Variants in OAF observed in about 807,000 individuals in gnomAD.
The protein encoded by OAF is out at first protein homolog.
A neutral mutation model predicts 22.5 loss-of-function variants in OAF; 13 were observed. The ratio of observed to expected loss-of-function variants is 0.58; its 90% CI spans 0.38 to 0.92. OAF has a LOEUF of 0.92. Among genes scored for constraint, OAF ranks in the 40% least tolerant of loss-of-function variants. The pLI is 0.00. For missense variants in OAF, 347 were observed against 381.8 expected (o/e 0.91, Z 0.76); for synonymous variants, 175 against 170.5 (o/e 1.03, Z -0.21).
At chr11:120,224,920 A>G (rs1938330604) in intron 1 of OAF, among the ~76,000 whole-genome samples, 1 of 152,132 alleles carries the variant, frequency 6.6e-6, no homozygotes, top group Non-Finnish European at 1.5e-5. Context: ...GCCCCAGCCC[A>G]CCCTACAGCT....
At chr11:120,212,257 G>GGTGGGTGTGGGTGT (rs1938159291) in intron 1 of OAF, among the ~76,000 whole-genome samples, 1 of 148,022 alleles carries the variant, frequency 6.8e-6, no homozygotes, top group Non-Finnish European at 1.5e-5. Context: ...TGGGTGGGTG[G>GGTGGGTGTGGGTGT]GTGGGTGGGT....
At chr11:120,226,717 A>G in intron 2 of OAF, 99 bp from the exon 3 acceptor site, 1 of 1,122,428 alleles carries the variant, frequency 8.9e-7, no homozygotes, top group Non-Finnish European at 1.3e-6. Flanking sequence ...AGCGTTCTAA[A>G]GGCAGTCAGC....
chr11:120,225,376 C>G, intron 1 of OAF, among the ~76,000 whole-genome samples: 1 of 152,088 alleles, frequency 6.6e-6, no homozygotes. Flanking sequence ...CCACCCTGAT[C>G]AGGGTGACGT....
chr11:120,225,607 C>T lies in OAF; in HGVS notation c.232-54C>T, dbSNP rs1329677829. ...GGGCCAAGCTGAGCACCCGGTGGGC[C>T]AGTGGGAAGGTCCCACACCCTCCAG... On this transcript the variant is annotated intron_variant, in intron 1 of 3. Transcript: ENST00000328965. The T allele has an allele frequency of 6.1e-6, 9 of 1,479,920 alleles. No individual in the cohort carries two copies. In the East Asian group the frequency reaches 1.8e-4, roughly 30 times the overall value. 91.7% of individuals were successfully genotyped at this position (1,479,920 alleles called of 1,614,324 possible).
At chr11:120,216,486 GTATTTACAAGAAGTCGCCAGA>G (rs1565341195) in intron 1 of OAF, among the ~76,000 whole-genome samples, 1 of 152,204 alleles carries the variant, frequency 6.6e-6, no homozygotes, top group African/African-American at 2.4e-5. Context: ...TTCCTCACAG[GTATTTACAAGAAGTCGCCAGA>G]TGGAATGACC....
At position 120,222,598 on chromosome 11, in the gene OAF, C is replaced by T. The variant is rs114217221; in HGVS notation, c.232-3063C>T. 2.6e-3 allele frequency among the ~76,000 whole-genome samples: 399 copies of T among 150,768 alleles called. 5 individuals are homozygous for T. Among genetic ancestry groups the T allele is most frequent in the African/African-American group, 8.6e-3 (352 of 41,052 alleles). Reference sequence around the variant, plus strand: ...AACAACCATGCACACAAAGGAGAGACCGGAGAATTTGTAGTTTAAAAAGTC... The same window carrying T: ...AACAACCATGCACACAAAGGAGAGATCGGAGAATTTGTAGTTTAAAAAGTC... On this transcript the variant is annotated intron_variant, in intron 1 of 3. Coordinates refer to ENST00000328965, the MANE Select transcript of OAF (RefSeq NM_178507.4).
In OAF at chr11:120,211,336, G is replaced by C; in HGVS notation, c.57G>C (p.Leu19=). Residue 19 remains leucine (L), a synonymous_variant, in exon 1 of 4, where the codon CTG becomes CTC. Transcript: ENST00000328965. The stretch of plus-strand genomic sequence containing the variant: ...CTGCGCTGCTGCTGCTGCTGCCGCT[G>C]CTCGCGCCGCTGCTGGGAACGGGTG... ...ARPALLLLLP[L]LAPLLGTGAP... The C allele has an allele frequency of 7.1e-7, 1 of 1,407,368 alleles. No homozygotes were observed. The highest frequency in any genetic ancestry group is 9.3e-7 in the Non-Finnish European group (1 of 1,078,822). 87.2% of individuals were successfully genotyped at this position (1,407,368 alleles called of 1,614,324 possible).
rs1390149974 is a variant in OAF, at chr11:120,226,774, C to T, written c.367-42C>T. 2.6e-6 allele frequency: 4 copies of T among 1,531,234 alleles called. No individual in the cohort carries two copies. In the Admixed American group the frequency reaches 5.3e-5, roughly 20 times the overall value. The allele number at this position is 1,531,234 out of a possible 1,614,324, so 94.9% of individuals were successfully genotyped here. A position where few individuals can be genotyped will look rare whatever the true frequency, so the allele number is the denominator to read the frequency against. ...GGGTCAGGGGAAGATGGACAGGGAG[C>T]ATTCTGAAGCCAGGTAGGAGTGACT... On this transcript the variant is annotated intron_variant, in intron 2 of 3. Coordinates refer to ENST00000328965, the MANE Select transcript of OAF (RefSeq NM_178507.4).
chr11:120,227,357 G>A (rs1460778817), intron 3 of OAF, among the ~76,000 whole-genome samples: 1 of 152,096 alleles, frequency 6.6e-6, no homozygotes, highest in Non-Finnish European at 1.5e-5. Context: ...TATTCAGCGA[G>A]AAGATTCAGC....
intron 1 of OAF, among the ~76,000 whole-genome samples, chr11:120,220,424 A>G (rs145538590): frequency 3.5e-4 from 54 of 152,144 alleles, no homozygotes; most frequent in African/African-American, 1.2e-3. Flanking sequence ...TGTATTCCTT[A>G]TCAGATGTTT....
rs1012706000 is a variant in OAF at position 120,211,325 on chromosome 11, C to G, written c.46C>G (p.Leu16Val). 1 of 1,395,100 alleles carries G rather than the reference C, an allele frequency of 7.2e-7. No homozygotes were observed. The highest frequency in any genetic ancestry group is 1.5e-5 in the African/African-American group (1 of 66,052). The allele number at this position is 1,395,100 out of a possible 1,614,324, so 86.4% of individuals were successfully genotyped here. The part of the protein sequence containing the change: ...VPLARPALLL[L>V]LPLLAPLLGT... ...CCTGGCGCGCCCTGCGCTGCTGCTGCTGCTGCCGCTGCTCGCGCCGCTGCT... is the reference window on the plus strand; with the variant it reads ...CCTGGCGCGCCCTGCGCTGCTGCTGGTGCTGCCGCTGCTCGCGCCGCTGCT... The change falls in exon 1 of 4, where the codon CTG becomes GTG. Residue 16 changes from leucine (L) to valine (V), a missense_variant. Coordinates refer to ENST00000328965, the MANE Select transcript of OAF (RefSeq NM_178507.4).
chr11:120,221,329 G>A (rs1399288033), intron 1 of OAF, among the ~76,000 whole-genome samples: 22 of 152,206 alleles, frequency 1.4e-4, no homozygotes, highest in Non-Finnish European at 2.8e-4. Context: ...GCAAGCCCCA[G>A]AGGAGTCACC....
At chr11:120,222,696 A>G (rs1296960198) in intron 1 of OAF, among the ~76,000 whole-genome samples, 1 of 152,122 alleles carries the variant, frequency 6.6e-6, no homozygotes, top group Non-Finnish European at 1.5e-5. Flanking sequence ...GGCAGATCAC[A>G]AGCTTAGGAG....
Position 120,229,381 on chromosome 11 carries a change from AAGGGCTC to A in OAF, c.*240_*246del. The A allele has an allele frequency of 8.7e-6, 2 of 229,526 alleles. No homozygotes were observed. Among genetic ancestry groups the A allele is most frequent in the South Asian group, 1.6e-4 (1 of 6,174 alleles). The allele number at this position is 229,526 out of a possible 1,614,324, so 14.2% of individuals were successfully genotyped here. ...CTTCCTTGCGGGCAGAGAGGGAGAG[AAGGGCTC>A]CCCAGATCTACACCCCTCCCTCCTG... is the stretch of plus-strand genomic sequence containing the variant. On this transcript the variant is annotated 3_prime_UTR_variant, in exon 4 of 4. Transcript: ENST00000328965.
rs546076510 is a variant in OAF, at chr11:120,215,120, C to T, written c.231+3610C>T. 2.2e-4 allele frequency among the ~76,000 whole-genome samples: 33 copies of T among 152,124 alleles called. No individual in the cohort carries two copies. The South Asian group carries it at 2.9e-3, about 13-fold the overall frequency. On this transcript the variant is annotated intron_variant, in intron 1 of 3. Transcript: ENST00000328965. ...CAGCACTTTGGGAGGCTGAGGCAGG[C>T]GGATCACAAGGTCAGCAGTTCGAGA...
At chr11:120,225,118 A>T (rs1938333929) in intron 1 of OAF, among the ~76,000 whole-genome samples, 1 of 151,706 alleles carries the variant, frequency 6.6e-6, no homozygotes, top group Admixed American at 6.6e-5. Context: ...CCAGCCTCCC[A>T]CTCTGCCCTC....
chr11:120,227,256 C>T (rs952694615), intron 3 of OAF, among the ~76,000 whole-genome samples: 2 of 152,188 alleles, frequency 1.3e-5, no homozygotes, highest in Admixed American at 1.3e-4. Context: ...GATAGAATAC[C>T]ATGATAGCTA....
At chr11:120,226,268 T>C (rs529585725) in intron 2 of OAF, among the ~76,000 whole-genome samples, 1 of 152,358 alleles carries the variant, frequency 6.6e-6, no homozygotes, top group African/African-American at 2.4e-5. Flanking sequence ...AACTGGGTTA[T>C]GGGGGAATTC....
intron 1 of OAF, among the ~76,000 whole-genome samples, chr11:120,212,662 C>G (rs1052650309): frequency 6.7e-6 from 1 of 148,946 alleles, no homozygotes; most frequent in African/African-American, 2.5e-5. Flanking sequence ...GGAGAGGTGG[C>G]GGAGTTTGGG....
Sources: allele counts gnomAD v4.1 joint callset (sites outside exome capture counted in the v4.1 genomes callset), GRCh38; gene constraint gnomAD v4.1.1; transcripts MANE v1.5; gene names NCBI Gene and HGNC (gene_info 2026-07-23, HGNC 2026-07-21).